The following SOX6 variants were observed in gnomAD, a reference collection of about 807,000 sequenced individuals.
SOX6 encodes SRY-box transcription factor 6.
SOX6 carries 11 observed loss-of-function variants against 97.8 expected under a neutral mutation model. The ratio of observed to expected loss-of-function variants is 0.11; its 90% CI spans 0.07 to 0.19. SOX6 has a LOEUF of 0.19. SOX6 is among the 10% of genes least tolerant of loss of function. SOX6 has a pLI of 1.00. For missense variants in SOX6, 810 were observed against 1,039.5 expected, an observed-to-expected ratio of 0.78 and a Z score of 3.04; for synonymous variants, 360 against 371.4, an observed-to-expected ratio of 0.97 and a Z score of 0.35.
At chr11:16,551,732 TA>T (rs1214092697) in intron 4 of SOX6, among the ~76,000 whole-genome samples, 1 of 152,066 alleles carries the variant, frequency 6.6e-6, no homozygotes, top group Non-Finnish European at 1.5e-5. Flanking sequence ...GCCTCCTGAG[TA>T]GCTGGGATTA....
chr11:16,621,900 G>T (rs1848549848), intron 3 of SOX6, among the ~76,000 whole-genome samples: 1 of 152,140 alleles, frequency 6.6e-6, no homozygotes. Context: ...ATTTCTTACA[G>T]ACCTGCTGTC....
chr11:16,136,344 G>GGT (rs1849961578), intron 6 of SOX6, among the ~76,000 whole-genome samples: 1 of 129,276 alleles, frequency 7.7e-6, no homozygotes, highest in Non-Finnish European at 1.6e-5. Flanking sequence ...TGTGTGTGTG[G>GGT]TTTTTTTTTT....
intron 2 of SOX6, among the ~76,000 whole-genome samples, chr11:16,715,638 A>C (rs545481775): frequency 1.3e-5 from 2 of 152,222 alleles, no homozygotes; most frequent in African/African-American, 4.8e-5. Flanking sequence ...AGGAATAGAT[A>C]ATAAACATTA....
chr11:16,072,544 A>T (rs909174253), intron 9 of SOX6, among the ~76,000 whole-genome samples: 24 of 152,126 alleles, frequency 1.6e-4, no homozygotes, highest in Admixed American at 5.2e-4. Context: ...ATCCATGAAA[A>T]TTTTCCCAAC....
At chr11:15,999,981 A>C (rs1265138194) in intron 13 of SOX6, among the ~76,000 whole-genome samples, 1 of 152,204 alleles carries the variant, frequency 6.6e-6, no homozygotes, top group Non-Finnish European at 1.5e-5. Context: ...AGAGAGTACT[A>C]ATACTACACA....
chr11:16,548,935 A>G lies in SOX6; in HGVS notation n.609+63146T>C, dbSNP rs1847650032. Among the ~76,000 whole-genome samples the G allele has an allele frequency of 2.0e-5, 3 of 152,272 alleles. No individual in the cohort carries two copies. The South Asian group carries it at 6.2e-4, about 32-fold the overall frequency. ...TCAAAAAAAATGAAATCACAAACCC[A>G]GTCTAGGAGAAATATTTGTATAAAA... On this transcript the variant is annotated intron_variant and non_coding_transcript_variant, in intron 4 of 5. Coordinates refer to the SOX6 transcript ENST00000524520.
chr11:16,371,434 C>G (rs2134393155), intron 1 of SOX6, among the ~76,000 whole-genome samples: 1 of 152,056 alleles, frequency 6.6e-6, no homozygotes, highest in Admixed American at 6.6e-5. Context: ...TAGCATTTAT[C>G]TTCTACCTTG....
chr11:16,610,437 T>C lies in SOX6; in HGVS notation n.609+1644A>G, dbSNP rs2133982132. 6.6e-6 allele frequency among the ~76,000 whole-genome samples: 1 copy of C among 152,216 alleles called. No homozygotes were observed. Among genetic ancestry groups the C allele is most frequent in the East Asian group, 1.9e-4 (1 of 5,154 alleles). ...CAATCGGGGTTCTGGTGGGCAAGAC[T>C]GACCCTGCCGACCAGATGCAGGCCG... On this transcript the variant is annotated intron_variant and non_coding_transcript_variant, in intron 4 of 5. Transcript: ENST00000524520. This position sits in a 1 kb window ranked among gnomAD's most constrained non-coding sequence, Gnocchi z 4.4.
intron 4 of SOX6, among the ~76,000 whole-genome samples, chr11:16,571,507 T>A (rs1335602088): frequency 6.6e-6 from 1 of 152,172 alleles, no homozygotes; most frequent in African/African-American, 2.4e-5. Context: ...CACAGCATAC[T>A]ACGACCTGGA....
intron 4 of SOX6, among the ~76,000 whole-genome samples, chr11:16,596,332 A>T (rs1474804069): frequency 6.6e-6 from 1 of 152,246 alleles, no homozygotes; most frequent in Non-Finnish European, 1.5e-5. Context: ...GTTCCTGACC[A>T]CAAAACTGAG....
intron 3 of SOX6, among the ~76,000 whole-genome samples, chr11:16,630,905 C>T (rs1324953254): frequency 1.3e-5 from 2 of 152,042 alleles, no homozygotes; most frequent in East Asian, 1.9e-4. Context: ...GAACAGTGAT[C>T]CCTATTCTTT....
chr11:16,463,994 G>A (rs941660748), intron 1 of SOX6, among the ~76,000 whole-genome samples: 1 of 152,174 alleles, frequency 6.6e-6, no homozygotes, highest in Non-Finnish European at 1.5e-5. Flanking sequence ...AAATGCCAGA[G>A]AAACACAACT....
At chr11:16,591,362 G>GATAA (rs200840789) in intron 4 of SOX6, among the ~76,000 whole-genome samples, 12,827 of 149,826 alleles carry the variant, frequency 0.086, 904 homozygotes, top group South Asian at 0.16. Context: ...CAGATAGATA[G>GATAA]ATAGATAGAT....
intron 6 of SOX6, among the ~76,000 whole-genome samples, chr11:16,136,988 T>C (rs1849982854): frequency 6.6e-6 from 1 of 152,242 alleles, no homozygotes; most frequent in African/African-American, 2.4e-5. Flanking sequence ...AGCTTTGTGC[T>C]CTGACTTCTA....
chr11:16,109,825 A>G (rs917251732), intron 7 of SOX6, among the ~76,000 whole-genome samples: 7 of 152,102 alleles, frequency 4.6e-5, no homozygotes, highest in African/African-American at 1.4e-4. Context: ...ACTTTTTTTT[A>G]CCAACCTTGC....
chr11:16,544,164 T>C (rs1453348743), intron 4 of SOX6, among the ~76,000 whole-genome samples: 3 of 152,108 alleles, frequency 2.0e-5, no homozygotes, highest in Non-Finnish European at 4.4e-5. Context: ...CTAGAATAGG[T>C]AAATCCATAG....
At chr11:16,241,001 G>A (rs1166033233) in intron 3 of SOX6, among the ~76,000 whole-genome samples, 2 of 58,744 alleles carry the variant, frequency 3.4e-5, no homozygotes, top group Non-Finnish European at 8.3e-5. Flanking sequence ...TATGAAGTAA[G>A]ACACTCTAAT....
chr11:16,269,168 T>C (rs946535354), intron 3 of SOX6, among the ~76,000 whole-genome samples: 2 of 150,980 alleles, frequency 1.3e-5, no homozygotes, highest in Middle Eastern at 3.4e-3. Flanking sequence ...TACCATATAT[T>C]AAAAAGTTTA....
At chr11:16,432,767 A>C (rs1859296002) in intron 1 of SOX6, among the ~76,000 whole-genome samples, 1 of 152,060 alleles carries the variant, frequency 6.6e-6, no homozygotes, top group African/African-American at 2.4e-5. Flanking sequence ...TCAGTTAGTT[A>C]ATCCAGTTAG....
Sources: allele counts gnomAD v4.1 joint callset (sites outside exome capture counted in the v4.1 genomes callset), GRCh38; gene constraint gnomAD v4.1.1; non-coding constraint Gnocchi (gnomAD v3.1); transcripts MANE v1.5; gene names NCBI Gene and HGNC (gene_info 2026-07-23, HGNC 2026-07-21).